PODXL: variants seen among roughly 807,000 people sequenced by gnomAD.
PODXL encodes podocalyxin like.
A neutral mutation model predicts 48.9 loss-of-function variants in PODXL; 20 were observed. The observed-to-expected ratio is 0.41, with a 90% CI of 0.29 to 0.59. The LOEUF (loss-of-function observed/expected upper bound fraction) is 0.59. PODXL is among the 20% of genes least tolerant of loss of function. The pLI is 0.31. For missense variants in PODXL, 606 were observed against 675.1 expected, an observed-to-expected ratio of 0.90 and a Z score of 1.13; for synonymous variants, 295 against 287.4, an observed-to-expected ratio of 1.03 and a Z score of -0.27.
intron 1 of PODXL, among the ~76,000 whole-genome samples, chr7:131,518,981 C>T (rs1282282498): frequency 6.6e-6 from 1 of 152,178 alleles, no homozygotes; most frequent in Non-Finnish European, 1.5e-5. Context: ...CTCCACAGGC[C>T]TGCCTAACCT....
At chr7:131,521,757 C>G (rs188298140) in intron 1 of PODXL, among the ~76,000 whole-genome samples, 3 of 152,160 alleles carry the variant, frequency 2.0e-5, no homozygotes, top group Non-Finnish European at 4.4e-5. Flanking sequence ...CTGGGAACCC[C>G]GCCAGGTGCT....
chr7:131,554,030 A>G (rs1584837810), intron 1 of PODXL, among the ~76,000 whole-genome samples: 1 of 152,096 alleles, frequency 6.6e-6, no homozygotes. Context: ...GCAGGGATGG[A>G]CCTGTCTGGG....
intron 5 of PODXL, among the ~76,000 whole-genome samples, chr7:131,508,532 C>T (rs923308127): frequency 1.3e-5 from 2 of 152,140 alleles, no homozygotes; most frequent in African/African-American, 2.4e-5. Context: ...GTTGGGATTA[C>T]AGGTGTAAGC....
chr7:131,504,883 G>A (rs544639190), intron 8 of PODXL, among the ~76,000 whole-genome samples: 89 of 152,202 alleles, frequency 5.8e-4, no homozygotes, highest in Admixed American at 2.2e-3. Context: ...GACCTCTCTC[G>A]GGCTGGGTGA....
intron 1 of PODXL, among the ~76,000 whole-genome samples, chr7:131,550,785 G>A (rs769765414): frequency 5.1e-4 from 77 of 150,692 alleles, no homozygotes; most frequent in Non-Finnish European, 8.4e-4. Flanking sequence ...ATACATGCAC[G>A]CACACACACA....
chr7:131,545,988 T>C (rs886237759), intron 1 of PODXL, among the ~76,000 whole-genome samples: 2 of 152,238 alleles, frequency 1.3e-5, no homozygotes, highest in Admixed American at 1.3e-4. Context: ...GATCTGTGAG[T>C]ACTTCCTACC....
At chr7:131,508,088 G>T (rs1401591530) in intron 5 of PODXL, among the ~76,000 whole-genome samples, 1 of 152,156 alleles carries the variant, frequency 6.6e-6, no homozygotes, top group Non-Finnish European at 1.5e-5. Flanking sequence ...CGCCGCGCTC[G>T]GCAGTTATTT....
At chr7:131,538,431 G>A (rs1156370851) in intron 1 of PODXL, among the ~76,000 whole-genome samples, 2 of 152,136 alleles carry the variant, frequency 1.3e-5, no homozygotes, top group African/African-American at 2.4e-5. Flanking sequence ...GACCTCTACA[G>A]TCTCACCTGA....
intron 7 of PODXL, 64 bp from the exon 8 acceptor site, chr7:131,506,099 T>C: frequency 1.3e-6 from 2 of 1,573,814 alleles, no homozygotes; most frequent in South Asian, 2.3e-5. Flanking sequence ...CCGGCTTCAC[T>C]GTAGAGCCCC....
rs188298140 is a variant in PODXL, at chr7:131,521,757, C to T, written c.101-10324G>A. Reference sequence around the variant, plus strand: ...CAGGGCAGTTTACTCCTGGGAACCCCGCCAGGTGCTCATAGGAAGCCTTGA... The same window carrying T: ...CAGGGCAGTTTACTCCTGGGAACCCTGCCAGGTGCTCATAGGAAGCCTTGA... On this transcript the variant is annotated intron_variant, in intron 1 of 8. Coordinates refer to ENST00000378555, the MANE Select transcript of PODXL (RefSeq NM_001018111.3). Among the ~76,000 whole-genome samples, 475 of 152,278 alleles carry T rather than the reference C, an allele frequency of 3.1e-3. 1 individual carries two copies. The highest frequency in any genetic ancestry group is 4.0e-3 in the Non-Finnish European group (273 of 68,030).
chr7:131,521,039 G>C (rs1038470969), intron 1 of PODXL, among the ~76,000 whole-genome samples: 4 of 151,898 alleles, frequency 2.6e-5, no homozygotes, highest in African/African-American at 9.7e-5. Context: ...GTGGTGGCAG[G>C]TGCCTGTAAT....
chr7:131,506,546 GCC>G, intron 6 of PODXL, 31 bp downstream of exon 6: 5 of 1,607,576 alleles, frequency 3.1e-6, no homozygotes, highest in Non-Finnish European at 4.3e-6. Context: ...ACCCATGCAG[GCC>G]CCAGCCCAGG....
intron 1 of PODXL, among the ~76,000 whole-genome samples, chr7:131,553,175 A>C (rs1798693561): frequency 6.6e-6 from 1 of 151,888 alleles, no homozygotes; most frequent in Non-Finnish European, 1.5e-5. Context: ...AGACTCCCCG[A>C]CCCTAATCTG....
At chr7:131,536,287 A>G (rs1397517207) in intron 1 of PODXL, among the ~76,000 whole-genome samples, 1 of 152,236 alleles carries the variant, frequency 6.6e-6, no homozygotes, top group Non-Finnish European at 1.5e-5. Flanking sequence ...CCACAATCCA[A>G]TAATAGATGC....
intron 1 of PODXL, among the ~76,000 whole-genome samples, chr7:131,518,914 G>A (rs1798051584): frequency 6.6e-6 from 1 of 152,156 alleles, no homozygotes; most frequent in Non-Finnish European, 1.5e-5. Flanking sequence ...ATTACCCAGA[G>A]CCTTTCTCTA....
intron 1 of PODXL, among the ~76,000 whole-genome samples, chr7:131,547,374 CAAAAAAAAAAAAA>C (rs10683140): frequency 3.2e-4 from 22 of 68,966 alleles, no homozygotes; most frequent in African/African-American, 1.3e-3. Context: ...AACTCCGTCT[CAAAAAAAAAAAAA>C]AAAAAAAAAA....
At chr7:131,554,766 G>T (rs906946899) in intron 1 of PODXL, among the ~76,000 whole-genome samples, 1 of 152,070 alleles carries the variant, frequency 6.6e-6, no homozygotes, top group Non-Finnish European at 1.5e-5. Flanking sequence ...ACAGCCCAAC[G>T]CCCTTCTGGG....
At chr7:131,506,435 G>T in intron 6 of PODXL, 114 bp from the exon 7 acceptor site, 1 of 1,423,622 alleles carries the variant, frequency 7.0e-7, no homozygotes. Context: ...AGTGTCTCTC[G>T]GGTGACCTGG....
rs1009672170 is a variant in PODXL at position 131,511,284 on chromosome 7, C to T, written c.250G>A (p.Gly84Ser). Residue 84 changes from glycine to serine, a missense_variant, in exon 2 of 9, where the codon GGT becomes AGT. Transcript: ENST00000378555. ...ILASVKATTL[G>S]VSSDSPGTTT... ...GTCCCCGGTGAGTCACTGGATACAC[C>T]AAGGGTGGTCGCCTTGACCGAGGCC... 10 of 1,613,980 alleles carry T rather than the reference C, an allele frequency of 6.2e-6. No homozygotes were observed. The highest frequency in any genetic ancestry group is 8.5e-6 in the Non-Finnish European group (10 of 1,179,988).
Sources: gnomAD v4.1 joint callset for allele counts (sites outside exome capture counted in the v4.1 genomes callset) on GRCh38, gnomAD v4.1.1 for gene constraint, MANE v1.5 for transcripts, NCBI Gene and HGNC (gene_info 2026-07-23, HGNC 2026-07-21) for gene names.